NAA30: variants seen among roughly 807,000 people sequenced by gnomAD.
NAA30 encodes the protein N-alpha-acetyltransferase 30, NatC catalytic subunit.
A neutral mutation model predicts 31.4 loss-of-function variants in NAA30; 5 were observed. That is an observed-to-expected ratio of 0.16 (90% CI 0.08 to 0.33). The LOEUF is 0.33. Ranked by LOEUF, NAA30 falls within the 10% of genes least tolerant of loss-of-function variation. The probability of loss-of-function intolerance (pLI) is 1.00; values close to 1 mark genes in which losing one functional copy is unlikely to be tolerated. For synonymous variants in NAA30, 222 were observed against 207.1 expected, an observed-to-expected ratio of 1.07 and a Z score of -0.62; for missense variants, 428 against 490.8, an observed-to-expected ratio of 0.87 and a Z score of 1.21.
intron 4 of NAA30, among the ~76,000 whole-genome samples, chr14:57,406,084 T>A (rs1398880317): frequency 6.6e-6 from 1 of 152,214 alleles, no homozygotes; most frequent in Non-Finnish European, 1.5e-5. Flanking sequence ...TATCCTGGCA[T>A]TTTTCTGTTG....
At chr14:57,392,776 T>A (rs776167528) in intron 2 of NAA30, among the ~76,000 whole-genome samples, 3 of 152,252 alleles carry the variant, frequency 2.0e-5, no homozygotes, top group Non-Finnish European at 2.9e-5. Context: ...TTAGTTTCAC[T>A]TGGTAATTCC....
intron 4 of NAA30, among the ~76,000 whole-genome samples, chr14:57,409,026 A>C (rs1032119464): frequency 6.6e-6 from 1 of 152,256 alleles, no homozygotes; most frequent in African/African-American, 2.4e-5. Flanking sequence ...ATTTTAAGGA[A>C]ATAAACCAGC....
intron 4 of NAA30, among the ~76,000 whole-genome samples, chr14:57,403,448 T>C (rs1180900343): frequency 1.3e-5 from 2 of 152,230 alleles, no homozygotes; most frequent in Non-Finnish European, 2.9e-5. Context: ...CAAATAATGC[T>C]GCACTGTTCC....
chr14:57,405,329 TC>T (rs2066493994), intron 4 of NAA30, among the ~76,000 whole-genome samples: 1 of 151,932 alleles, frequency 6.6e-6, no homozygotes, highest in South Asian at 2.1e-4. Flanking sequence ...GTACAGTCAT[TC>T]TTTTTCCCCC....
intron 3 of NAA30, among the ~76,000 whole-genome samples, chr14:57,398,667 C>G (rs2066461239): frequency 6.6e-6 from 1 of 151,670 alleles, no homozygotes; most frequent in Non-Finnish European, 1.5e-5. Flanking sequence ...TAGTCTCACT[C>G]TGTCGCCCAG....
Position 57,404,730 on chromosome 14 carries a change from C to T in NAA30, c.952-4649C>T, listed in dbSNP as rs185967203. Among the ~76,000 whole-genome samples, 27 of 152,226 alleles carry T rather than the reference C, an allele frequency of 1.8e-4. No homozygotes were observed. In the South Asian group the frequency reaches 2.3e-3, roughly 13 times the overall value. ...GCAAGGAGGAGCAAGTCGCATCTTACGTGGATGGTGGCAGGCAAAGAGAAG... is the reference window on the plus strand; with the variant it reads ...GCAAGGAGGAGCAAGTCGCATCTTATGTGGATGGTGGCAGGCAAAGAGAAG... On this transcript the variant is annotated intron_variant, in intron 4 of 4. Transcript: ENST00000556492.
rs1464236034 is a variant in NAA30, at chr14:57,415,728, C to T, written c.*6212C>T. The T allele has an allele frequency of 6.6e-6, 1 of 152,146 alleles. No homozygotes were observed. Among genetic ancestry groups the T allele is most frequent in the East Asian group, 1.9e-4 (1 of 5,194 alleles). 9.4% of individuals were successfully genotyped at this position (152,146 alleles called of 1,614,324 possible). On this transcript the variant is annotated 3_prime_UTR_variant, in exon 5 of 5. Transcript: ENST00000556492. ...TTGCGATGTTTAGGCCAGGATTTCTCATGATTGTATATGGTTATTGATCAT... is the reference window on the plus strand; with the variant it reads ...TTGCGATGTTTAGGCCAGGATTTCTTATGATTGTATATGGTTATTGATCAT...
Position 57,409,500 on chromosome 14 carries a change from A to C in NAA30, c.1073A>C (p.Lys358Thr). ...YLNGVDALRL[K>T]LWLR ...AATGGAGTTGATGCACTGCGACTTA[A>C]ACTGTGGCTGCGTTGAGAAACTGAC... The change falls in exon 5 of 5, where the codon AAA becomes ACA. Residue 358 changes from lysine to threonine, a missense_variant. Physicochemically the swap from Lys to Thr is moderately conservative, Grantham distance 78 (BLOSUM62 -1). Coordinates refer to ENST00000556492, the MANE Select transcript of NAA30 (RefSeq NM_001011713.3). 6.2e-7 allele frequency: 1 copy of C among 1,602,068 alleles called. No individual in the cohort carries two copies. The highest frequency in any genetic ancestry group is 8.5e-7 in the Non-Finnish European group (1 of 1,176,080).
At chr14:57,406,487 GC>G (rs2066498577) in intron 4 of NAA30, among the ~76,000 whole-genome samples, 1 of 152,116 alleles carries the variant, frequency 6.6e-6, no homozygotes, top group African/African-American at 2.4e-5. Flanking sequence ...TTCTGTCCTT[GC>G]TCTGTTGGTG....
rs780899796 is a variant in NAA30 at position 57,391,751 on chromosome 14, G to T, written c.771+23G>T. The stretch of plus-strand genomic sequence containing the variant: ...TTGGTAAGTGGATAGAATAAAAAGA[G>T]GGTGAACCCAGCAGTGATCGAGACT... On this transcript the variant is annotated intron_variant, in intron 2 of 4. Transcript: ENST00000556492. The surrounding 1 kb of genome is among the most constrained non-coding windows in gnomAD (Gnocchi z 4.1). The T allele has an allele frequency of 5.1e-6, 8 of 1,572,854 alleles. No homozygotes were observed. The African/African-American group carries it at 1.1e-4, about 21-fold the overall frequency.
Position 57,414,025 on chromosome 14 carries a change from A to T in NAA30, c.*4509A>T, listed in dbSNP as rs2066536184. On this transcript the variant is annotated 3_prime_UTR_variant, in exon 5 of 5. Transcript: ENST00000556492. The stretch of plus-strand genomic sequence containing the variant: ...TGTAATTTTAATCAAAGTTAGCCAC[A>T]TGTGGCTTGTGGCTACTGTATTGGA... 1.3e-5 allele frequency: 2 copies of T among 152,226 alleles called. No homozygotes were observed. 9.4% of individuals were successfully genotyped at this position (152,226 alleles called of 1,614,324 possible).
rs199604580 is a variant in NAA30, at chr14:57,403,447, C to T, written c.951+3564C>T. Among the ~76,000 whole-genome samples the T allele has an allele frequency of 3.8e-4, 58 of 152,324 alleles. No homozygotes were observed. The East Asian group carries it at 7.7e-3, about 20-fold the overall frequency. On this transcript the variant is annotated intron_variant, in intron 4 of 4. Transcript: ENST00000556492. The stretch of plus-strand genomic sequence containing the variant: ...GGTAGATGTTTTTCTCCAAATAATG[C>T]TGCACTGTTCCTAGTCTAATTGATG...
At chr14:57,393,753 AAAG>A (rs1384230667) in intron 2 of NAA30, among the ~76,000 whole-genome samples, 23 of 152,226 alleles carry the variant, frequency 1.5e-4, no homozygotes, top group Admixed American at 9.8e-4. Flanking sequence ...TTTTGATTGA[AAAG>A]AAGTTAAGAA....
chr14:57,407,150 A>G (rs369993725), intron 4 of NAA30, among the ~76,000 whole-genome samples: 2 of 152,080 alleles, frequency 1.3e-5, no homozygotes, highest in African/African-American at 4.8e-5. Context: ...TGACCTCCCA[A>G]AGTGCTGGGA....
intron 4 of NAA30, among the ~76,000 whole-genome samples, chr14:57,403,342 T>C (rs2066485263): frequency 6.6e-6 from 1 of 152,126 alleles, no homozygotes; most frequent in South Asian, 2.1e-4. Context: ...CCTTGAGTCA[T>C]GTTTATATTG....
chr14:57,405,424 T>TAC (rs1353623465), intron 4 of NAA30, among the ~76,000 whole-genome samples: 1 of 150,538 alleles, frequency 6.6e-6, no homozygotes, highest in East Asian at 1.9e-4. Flanking sequence ...TATATGTGTA[T>TAC]ATATATATAT....
At chr14:57,405,385 TTG>T (rs2066494185) in intron 4 of NAA30, among the ~76,000 whole-genome samples, 1 of 149,438 alleles carries the variant, frequency 6.7e-6, no homozygotes, top group Non-Finnish European at 1.5e-5. Flanking sequence ...ACTATATTTA[TTG>T]TGTTTATTAT....
chr14:57,396,675 T>G, intron 2 of NAA30, 77 bp from the exon 3 acceptor site: 1 of 1,490,356 alleles, frequency 6.7e-7, no homozygotes, highest in South Asian at 1.2e-5. Context: ...TACCAATGGT[T>G]GGTTGTTGTT....
Position 57,413,168 on chromosome 14 carries a change from C to T in NAA30, c.*3652C>T, listed in dbSNP as rs1202774578. On this transcript the variant is annotated 3_prime_UTR_variant, in exon 5 of 5. Coordinates refer to ENST00000556492, the MANE Select transcript of NAA30 (RefSeq NM_001011713.3). ...ACACCAAAGTAAAATAGAGCAATAT[C>T]CAAAGAGCTTTTTGCCCCTGTCTTG... 7.1e-6 allele frequency: 1 copy of T among 139,884 alleles called. No homozygotes were observed. The highest frequency in any genetic ancestry group is 2.5e-4 in the East Asian group (1 of 3,930). The allele number at this position is 139,884 out of a possible 1,614,324, so 8.7% of individuals were successfully genotyped here.
Sources: gnomAD v4.1 joint callset for allele counts (sites outside exome capture counted in the v4.1 genomes callset) on GRCh38, gnomAD v4.1.1 for gene constraint, Gnocchi (gnomAD v3.1) non-coding constraint, MANE v1.5 for transcripts, NCBI Gene and HGNC (gene_info 2026-07-23, HGNC 2026-07-21) for gene names.